Variants in AOPEP observed in about 807,000 individuals in gnomAD.
AOPEP encodes the protein aminopeptidase O (putative), also known as aminopeptidase O.
In AOPEP, 77 loss-of-function variants were observed where a neutral mutation model predicts 98.1. The observed-to-expected ratio is 0.78, with a 90% confidence interval of 0.65 to 0.95. The LOEUF is 0.95. AOPEP is among the 40% of genes least tolerant of loss of function. AOPEP has a pLI of 0.00. For synonymous variants in AOPEP, 346 were observed against 365.3 expected (o/e 0.95, Z 0.60); for missense variants, 1,024 against 1,024.7 (o/e 1.00, Z 0.01).
chr9:95,023,973 C>T lies in AOPEP; in HGVS notation c.2115+18357C>T, dbSNP rs182986480. ...ATAACATTACTTGATAATCAGACAT[C>T]ATTTTCAAGTAGTTAAAAGGGTCAT... is the stretch of plus-strand genomic sequence containing the variant. On this transcript the variant is annotated intron_variant, in intron 13 of 16. Transcript: ENST00000375315. 1.2e-4 allele frequency among the ~76,000 whole-genome samples: 18 copies of T among 152,294 alleles called. No homozygotes were observed. In the East Asian group the frequency reaches 2.9e-3, roughly 24 times the overall value.
the AOPEP span, among the ~76,000 whole-genome samples, chr9:95,096,656 GAA>G: frequency 3.3e-5 from 5 of 152,252 alleles, no homozygotes; most frequent in African/African-American, 1.2e-4. Context: ...GGGGTCAGGA[GAA>G]GAGGAGGAGC....
At chr9:95,051,175 C>T (rs952359491) in intron 13 of AOPEP, among the ~76,000 whole-genome samples, 20 of 151,574 alleles carry the variant, frequency 1.3e-4, no homozygotes, top group East Asian at 3.9e-4. Context: ...CTGCAACCTC[C>T]GCCTCCCAGG....
chr9:94,885,761 G>A (rs922392837), intron 5 of AOPEP, among the ~76,000 whole-genome samples: 4 of 152,150 alleles, frequency 2.6e-5, no homozygotes, highest in Non-Finnish European at 4.4e-5. Flanking sequence ...TAAAATACAT[G>A]TATAGTAATC....
chr9:95,001,770 C>T (rs1021699454), intron 11 of AOPEP, among the ~76,000 whole-genome samples: 1 of 151,952 alleles, frequency 6.6e-6, no homozygotes, highest in Non-Finnish European at 1.5e-5. Flanking sequence ...TAAAATTTAT[C>T]GTTATTTACT....
chr9:95,146,023 G>A, the AOPEP span, among the ~76,000 whole-genome samples: 65 of 151,902 alleles, frequency 4.3e-4, no homozygotes, highest in East Asian at 8.7e-3. Context: ...AAAATTCTAA[G>A]ACAATCAGGA....
At chr9:95,039,973 AT>A (rs1223983700) in intron 13 of AOPEP, among the ~76,000 whole-genome samples, 1 of 152,224 alleles carries the variant, frequency 6.6e-6, no homozygotes, top group Non-Finnish European at 1.5e-5. Flanking sequence ...TAAAGATGCT[AT>A]TTGAATTTAA....
At chr9:94,983,855 C>T (rs1449359579) in intron 11 of AOPEP, among the ~76,000 whole-genome samples, 1 of 143,974 alleles carries the variant, frequency 6.9e-6, no homozygotes, top group African/African-American at 2.5e-5. Context: ...CCTCCCCTCC[C>T]CCCTCCCCCG....
At chr9:94,754,361 A>C (rs181133259) in intron 1 of AOPEP, among the ~76,000 whole-genome samples, 1 of 152,344 alleles carries the variant, frequency 6.6e-6, no homozygotes, top group African/African-American at 2.4e-5. Flanking sequence ...TTCTCTGATC[A>C]AGTAATCGGT....
intron 5 of AOPEP, among the ~76,000 whole-genome samples, chr9:94,864,888 C>CA (rs2045536176): frequency 6.6e-6 from 1 of 152,148 alleles, no homozygotes; most frequent in Non-Finnish European, 1.5e-5. Context: ...GAGCCATCAG[C>CA]AACACTTGTG....
the AOPEP span, among the ~76,000 whole-genome samples, chr9:95,138,994 T>A: frequency 6.6e-6 from 1 of 152,238 alleles, no homozygotes; most frequent in African/African-American, 2.4e-5. Flanking sequence ...TAGATTTTGC[T>A]CTAAAACCTC....
At chr9:95,058,178 A>G (rs1023369513) in intron 13 of AOPEP, among the ~76,000 whole-genome samples, 3 of 152,178 alleles carry the variant, frequency 2.0e-5, no homozygotes, top group African/African-American at 7.2e-5. Context: ...ACATATAGGT[A>G]ATTGTTTGAT....
chr9:95,077,354 G>A (rs947296746), intron 14 of AOPEP, among the ~76,000 whole-genome samples: 1 of 152,174 alleles, frequency 6.6e-6, no homozygotes, highest in African/African-American at 2.4e-5. Context: ...CTTCCTAATC[G>A]TGCAGAGAAG....
At chr9:95,061,067 T>G (rs913651100) in intron 14 of AOPEP, 9 of 332,648 alleles carry the variant, frequency 2.7e-5, no homozygotes, top group Non-Finnish European at 5.0e-5. Flanking sequence ...ATGAGTGGAA[T>G]GTTTTTGAGT....
At chr9:95,042,100 CAGG>C (rs948764987) in intron 13 of AOPEP, among the ~76,000 whole-genome samples, 2 of 152,120 alleles carry the variant, frequency 1.3e-5, no homozygotes, top group African/African-American at 4.8e-5. Context: ...ATCACGAGGT[CAGG>C]AGATCAAGAC....
At chr9:94,986,575 T>G (rs2060532474) in intron 11 of AOPEP, among the ~76,000 whole-genome samples, 1 of 152,198 alleles carries the variant, frequency 6.6e-6, no homozygotes, top group South Asian at 2.1e-4. Context: ...CAAATGATGT[T>G]AGTATCTAGT....
intron 13 of AOPEP, among the ~76,000 whole-genome samples, chr9:95,055,024 G>A (rs2066702920): frequency 6.6e-6 from 1 of 152,108 alleles, no homozygotes; most frequent in Non-Finnish European, 1.5e-5. Flanking sequence ...TTAAGTTTTT[G>A]CTTCAACATA....
chr9:94,757,472 A>G (rs1837317252), intron 1 of AOPEP, among the ~76,000 whole-genome samples: 1 of 152,212 alleles, frequency 6.6e-6, no homozygotes, highest in African/African-American at 2.4e-5. Context: ...TTTTCATAAC[A>G]GTGGTTCTGC....
the AOPEP span, among the ~76,000 whole-genome samples, chr9:95,105,069 CG>C: frequency 6.6e-6 from 1 of 152,326 alleles, no homozygotes; most frequent in Non-Finnish European, 1.5e-5. Flanking sequence ...GTGCTGGGGC[CG>C]GGCCCAAAGA....
chr9:94,999,146 A>C (rs945143599), intron 11 of AOPEP, among the ~76,000 whole-genome samples: 5 of 152,252 alleles, frequency 3.3e-5, no homozygotes, highest in African/African-American at 7.2e-5. Flanking sequence ...TTAAAAAAAA[A>C]CAAAAAACCC....
Sources: allele counts gnomAD v4.1 joint callset (sites outside exome capture counted in the v4.1 genomes callset), GRCh38; gene constraint gnomAD v4.1.1; transcripts MANE v1.5; gene names NCBI Gene and HGNC (gene_info 2026-07-23, HGNC 2026-07-21).